The following MAP3K4 variants were observed in gnomAD, a reference collection of about 807,000 sequenced individuals.
MAP3K4 encodes mitogen-activated protein kinase kinase kinase 4.
Under a neutral mutation model 185.6 loss-of-function variants are expected in MAP3K4, and 67 were observed. The ratio of observed to expected loss-of-function variants is 0.36; its 90% CI spans 0.30 to 0.44. The LOEUF is 0.44. MAP3K4 is among the 20% of genes least tolerant of loss of function. MAP3K4 has a pLI of 1.00. For missense variants in MAP3K4, 1,551 were observed against 1,995.1 expected (o/e 0.78, Z 4.24); for synonymous variants, 702 against 710.4 (o/e 0.99, Z 0.19).
At chr6:161,003,380 G>A (rs1330290990) in intron 1 of MAP3K4, among the ~76,000 whole-genome samples, 1 of 152,092 alleles carries the variant, frequency 6.6e-6, no homozygotes, top group African/African-American at 2.4e-5. Context: ...CAGAATCCAC[G>A]GTCATCCTTG....
intron 1 of MAP3K4, among the ~76,000 whole-genome samples, chr6:160,993,149 T>C (rs1164281786): frequency 1.3e-5 from 2 of 152,240 alleles, no homozygotes; most frequent in African/African-American, 4.8e-5. Context: ...ACAAATTTGT[T>C]TTATTTTTAT....
intron 1 of MAP3K4, among the ~76,000 whole-genome samples, chr6:161,024,454 C>T (rs1046828143): frequency 6.6e-6 from 1 of 152,116 alleles, no homozygotes; most frequent in Non-Finnish European, 1.5e-5. Context: ...CATTTGTTTT[C>T]CCCACATGTT....
chr6:161,102,802 T>TAAAAA (rs397886595), intron 19 of MAP3K4, 23 bp downstream of exon 19: 37 of 604,724 alleles, frequency 6.1e-5, no homozygotes, highest in Middle Eastern at 3.8e-4. Context: ...GTGTTGAAGT[T>TAAAAA]AAAAAAAAAA....
chr6:161,088,815 T>A lies in MAP3K4; in HGVS notation c.2824-507T>A, dbSNP rs75316673. ...TCCAATTCTGTGTTTGTTTTTGTGC[T>A]TCTAGAATGATCATTATAATACATC... On this transcript the variant is annotated intron_variant, in intron 10 of 26. Coordinates refer to ENST00000392142, the MANE Select transcript of MAP3K4 (RefSeq NM_005922.4). This position sits in a 1 kb window ranked among gnomAD's most constrained non-coding sequence, Gnocchi z 4.5. 0.023 allele frequency among the ~76,000 whole-genome samples: 3,567 copies of A among 152,270 alleles called. 151 individuals carry two copies. Among genetic ancestry groups the A allele is most frequent in the African/African-American group, 0.082 (3,387 of 41,526 alleles).
In MAP3K4 at chr6:161,086,833, AAC is replaced by A. The variant is rs1401631632; in HGVS notation, c.2556+168_2556+169del. ...CTGTAATTCACCAGTGGAATAATGA[AAC>A]AGTCTTTTTCATACTTGACTTACTA... On this transcript the variant is annotated intron_variant, in intron 9 of 26. Coordinates refer to ENST00000392142, the MANE Select transcript of MAP3K4 (RefSeq NM_005922.4). This position sits in a 1 kb window ranked among gnomAD's most constrained non-coding sequence, Gnocchi z 4.8. Among the ~76,000 whole-genome samples, 1 of 152,232 alleles carries A rather than the reference AAC, an allele frequency of 6.6e-6. No homozygotes were observed. Among genetic ancestry groups the A allele is most frequent in the Admixed American group, 6.5e-5 (1 of 15,282 alleles).
intron 1 of MAP3K4, among the ~76,000 whole-genome samples, chr6:161,019,446 C>G (rs536867154): frequency 6.6e-6 from 1 of 152,216 alleles, no homozygotes; most frequent in East Asian, 1.9e-4. Flanking sequence ...GAGTCTCTCT[C>G]GCCCAGGCTG....
Position 161,007,385 on chromosome 6 carries a change from A to T in MAP3K4, c.152+15302A>T, listed in dbSNP as rs1781639679. On this transcript the variant is annotated intron_variant, in intron 1 of 26. Coordinates refer to ENST00000392142, the MANE Select transcript of MAP3K4 (RefSeq NM_005922.4). This position sits in a 1 kb window ranked among gnomAD's most constrained non-coding sequence, Gnocchi z 4.5. Reference sequence around the variant, plus strand: ...ACGTGGGAATTACTGAGGAAGATAGAGGGAGGGCTAATTTTACAATATGCA... The same window carrying T: ...ACGTGGGAATTACTGAGGAAGATAGTGGGAGGGCTAATTTTACAATATGCA... Among the ~76,000 whole-genome samples, 1 of 152,146 alleles carries T rather than the reference A, an allele frequency of 6.6e-6. No individual in the cohort carries two copies. Among genetic ancestry groups the T allele is most frequent in the African/African-American group, 2.4e-5 (1 of 41,446 alleles).
At chr6:161,095,188 C>T (rs1174282932) in intron 15 of MAP3K4, among the ~76,000 whole-genome samples, 1 of 152,176 alleles carries the variant, frequency 6.6e-6, no homozygotes, top group Admixed American at 6.5e-5. Context: ...CCTTTGTCCT[C>T]TCAGTCACTA....
At chr6:161,036,150 G>T (rs989407978) in intron 2 of MAP3K4, among the ~76,000 whole-genome samples, 1 of 152,084 alleles carries the variant, frequency 6.6e-6, no homozygotes, top group Non-Finnish European at 1.5e-5. Context: ...AGAGATAGAG[G>T]GAAAGGAAAG....
At position 161,097,657 on chromosome 6, in the gene MAP3K4, T is replaced by G. The variant is rs1777630031; in HGVS notation, c.3524+481T>G. On this transcript the variant is annotated intron_variant, in intron 16 of 26. Coordinates refer to ENST00000392142, the MANE Select transcript of MAP3K4 (RefSeq NM_005922.4). This position sits in a 1 kb window ranked among gnomAD's most constrained non-coding sequence, Gnocchi z 4.9. Reference sequence around the variant, plus strand: ...GAAACTATAGTACATTCACGATAACTGCCTTGAATGTGGTGGCATTTCTGC... The same window carrying G: ...GAAACTATAGTACATTCACGATAACGGCCTTGAATGTGGTGGCATTTCTGC... 6.6e-6 allele frequency among the ~76,000 whole-genome samples: 1 copy of G among 152,244 alleles called. No individual in the cohort carries two copies. Among genetic ancestry groups the G allele is most frequent in the Admixed American group, 6.5e-5 (1 of 15,288 alleles).
chr6:161,056,140 TC>T lies in MAP3K4; in HGVS notation c.1707+6165del, dbSNP rs1784225968. On this transcript the variant is annotated intron_variant, in intron 3 of 26. Transcript: ENST00000392142. The surrounding 1 kb of genome is among the most constrained non-coding windows in gnomAD (Gnocchi z 5.4). ...TTGCCTTCTGTGTCGTTTGATATGC[TC>T]CCCTCTTTTGTTGTATTATTTTCCT... is the stretch of plus-strand genomic sequence containing the variant. 6.6e-6 allele frequency among the ~76,000 whole-genome samples: 1 copy of T among 152,224 alleles called. No homozygotes were observed. The highest frequency in any genetic ancestry group is 1.5e-5 in the Non-Finnish European group (1 of 68,046).
intron 11 of MAP3K4, among the ~76,000 whole-genome samples, chr6:161,089,873 T>C (rs566651781): frequency 3.0e-4 from 45 of 152,318 alleles, no homozygotes; most frequent in African/African-American, 1.0e-3. Context: ...TTTTGTTTAA[T>C]AAATAATTCA....
rs567179713 is a variant in MAP3K4, at chr6:161,109,298, G to A, written c.4236+439G>A. The stretch of plus-strand genomic sequence containing the variant: ...CCTTGTGTTTAGAAATAAACACGTC[G>A]AGGGAAAGAGGATAACTTGGAGCAT... On this transcript the variant is annotated intron_variant, in intron 22 of 26. Transcript: ENST00000392142. This position sits in a 1 kb window ranked among gnomAD's most constrained non-coding sequence, Gnocchi z 5.7. Among the ~76,000 whole-genome samples the A allele has an allele frequency of 6.6e-6, 1 of 152,182 alleles. No homozygotes were observed. Among genetic ancestry groups the A allele is most frequent in the Non-Finnish European group, 1.5e-5 (1 of 68,044 alleles).
At chr6:161,102,253 C>A (rs567252554) in intron 18 of MAP3K4, among the ~76,000 whole-genome samples, 2 of 152,136 alleles carry the variant, frequency 1.3e-5, no homozygotes, top group Admixed American at 1.3e-4. Context: ...TATTATTATT[C>A]TAGATATTTT....
In MAP3K4 at chr6:161,098,530, T is replaced by C. The variant is rs1328709527; in HGVS notation, c.3674+103T>C. On this transcript the variant is annotated intron_variant, in intron 17 of 26. Transcript: ENST00000392142. This position sits in a 1 kb window ranked among gnomAD's most constrained non-coding sequence, Gnocchi z 4.4. Reference sequence around the variant, plus strand: ...TGTGCCGGCTGTGGTTGGGCTTCTTTGCTGTGGCGTGTGAGTGATGCTCTA... The same window carrying C: ...TGTGCCGGCTGTGGTTGGGCTTCTTCGCTGTGGCGTGTGAGTGATGCTCTA... 2 of 1,392,556 alleles carry C rather than the reference T, an allele frequency of 1.4e-6. No individual in the cohort carries two copies. The highest frequency in any genetic ancestry group is 2.9e-5 in the African/African-American group (2 of 69,316). The allele number at this position is 1,392,556 out of a possible 1,614,324, so 86.3% of individuals were successfully genotyped here.
At chr6:161,072,235 G>A (rs557146238) in intron 4 of MAP3K4, among the ~76,000 whole-genome samples, 1 of 152,242 alleles carries the variant, frequency 6.6e-6, no homozygotes, top group Non-Finnish European at 1.5e-5. Flanking sequence ...AGAGACTTCT[G>A]TCAATAAAAG....
rs1052500393 is a variant in MAP3K4 at position 161,093,477 on chromosome 6, A to G, written c.3349-296A>G. ...ATGATATTGCTCAAAGTGTGAATTC[A>G]TTTATTTTATTCTCCCAGTAGTAGA... On this transcript the variant is annotated intron_variant, in intron 14 of 26. Transcript: ENST00000392142. This position sits in a 1 kb window ranked among gnomAD's most constrained non-coding sequence, Gnocchi z 5.2. 6.6e-6 allele frequency among the ~76,000 whole-genome samples: 1 copy of G among 152,166 alleles called. No individual in the cohort carries two copies. The highest frequency in any genetic ancestry group is 1.9e-4 in the East Asian group (1 of 5,190).
At chr6:161,078,948 T>C (rs370003717) in intron 5 of MAP3K4, among the ~76,000 whole-genome samples, 1 of 152,232 alleles carries the variant, frequency 6.6e-6, no homozygotes, top group South Asian at 2.1e-4. Flanking sequence ...GTGCGGTGGC[T>C]CTCGACTGTA....
At position 161,087,902 on chromosome 6, in the gene MAP3K4, C is replaced by T. The variant is rs758821045; in HGVS notation, c.2771C>T (p.Pro924Leu). ...EDSWGTWEAQ[P>L]VKVVPQVETV... ...AGCTGGGGCACCTGGGAGGCACAGC[C>T]TGTCAAAGTCGTGCCTCAGGTGGAG... Residue 924 changes from proline (P) to leucine (L), a missense_variant, in exon 10 of 27, where the codon CCT becomes CTT. By Grantham distance (98) the Pro-to-Leu change is moderately conservative. Transcript: ENST00000392142. The surrounding 1 kb of genome is among the most constrained non-coding windows in gnomAD (Gnocchi z 4.9). The T allele has an allele frequency of 1.2e-6, 2 of 1,614,082 alleles. No individual in the cohort carries two copies. The highest frequency in any genetic ancestry group is 1.3e-5 in the African/African-American group (1 of 75,048).
Sources: gnomAD v4.1 joint callset for allele counts (sites outside exome capture counted in the v4.1 genomes callset) on GRCh38, gnomAD v4.1.1 for gene constraint, Gnocchi (gnomAD v3.1) non-coding constraint, MANE v1.5 for transcripts, NCBI Gene and HGNC (gene_info 2026-07-23, HGNC 2026-07-21) for gene names.